OSBP: variants seen among roughly 807,000 people sequenced by gnomAD.
OSBP encodes oxysterol-binding protein 1.
A neutral mutation model predicts 96.6 loss-of-function variants in OSBP; 32 were observed. That is an observed-to-expected ratio of 0.33 (90% CI 0.25 to 0.45). The LOEUF is 0.45. OSBP is among the 20% of genes least tolerant of loss of function. The pLI, the probability that OSBP is intolerant of heterozygous loss-of-function variation, is 1.00. For missense variants in OSBP, 653 were observed against 1,029.7 expected (o/e 0.63, Z 5.01); for synonymous variants, 369 against 389.6 (o/e 0.95, Z 0.62).
chr11:59,593,313 ATTT>A (rs528247934), intron 9 of OSBP, among the ~76,000 whole-genome samples: 19 of 148,442 alleles, frequency 1.3e-4, no homozygotes, highest in Non-Finnish European at 2.4e-4. Context: ...AAGAGACAGA[ATTT>A]TTTTTTTTAA....
intron 7 of OSBP, among the ~76,000 whole-genome samples, chr11:59,595,787 C>T (rs923370216): frequency 1.3e-5 from 2 of 150,028 alleles, no homozygotes; most frequent in African/African-American, 4.9e-5. Context: ...AAAAAAAAAA[C>T]ACAAAAATTA....
rs113851305 is a variant in OSBP, at chr11:59,598,289, G to A, written c.1311+2207C>T. 5.2e-3 allele frequency among the ~76,000 whole-genome samples: 792 copies of A among 152,282 alleles called. 9 individuals carry two copies. Among genetic ancestry groups the A allele is most frequent in the African/African-American group, 0.017 (710 of 41,558 alleles). On this transcript the variant is annotated intron_variant, in intron 7 of 13. Transcript: ENST00000263847. Reference sequence around the variant, plus strand: ...GACGTAGCCCCTGATCACAAGGAACGCAGTCTATGAAGAGGCAGAAACCAC... The same window carrying A: ...GACGTAGCCCCTGATCACAAGGAACACAGTCTATGAAGAGGCAGAAACCAC...
chr11:59,612,193 G>C (rs956188463), intron 1 of OSBP, among the ~76,000 whole-genome samples: 3 of 152,196 alleles, frequency 2.0e-5, no homozygotes, highest in African/African-American at 7.2e-5. Context: ...CACATGAACT[G>C]CTCTTCCTTC....
rs777977015 is a variant in OSBP, at chr11:59,601,367, T to C, written c.1040A>G (p.Lys347Arg). ...ATCATCTTCATCGCTCATGTCCCCTTTGCCAGAGCAGCACTGATCTACAAG... is the reference window on the plus strand; with the variant it reads ...ATCATCTTCATCGCTCATGTCCCCTCTGCCAGAGCAGCACTGATCTACAAG... ...GSGKDQCCSG[K>R]GDMSDEDDEN... Residue 347 changes from lysine to arginine, a missense_variant, in exon 5 of 14, where the codon AAA becomes AGA. Transcript: ENST00000263847. 4.3e-5 allele frequency: 69 copies of C among 1,611,824 alleles called. 1 individual carries two copies. The Admixed American group carries it at 1.1e-3, about 25-fold the overall frequency.
At chr11:59,583,534 G>C (rs1326699754) in intron 9 of OSBP, among the ~76,000 whole-genome samples, 3 of 150,492 alleles carry the variant, frequency 2.0e-5, no homozygotes, top group Admixed American at 2.0e-4. Flanking sequence ...CACTTGCTGT[G>C]TACCAGGTGC....
chr11:59,610,015 G>C (rs1015178081), intron 2 of OSBP, among the ~76,000 whole-genome samples: 9 of 152,116 alleles, frequency 5.9e-5, no homozygotes, highest in African/African-American at 2.2e-4. Flanking sequence ...AAGAACAACT[G>C]TTACGCCTCT....
chr11:59,579,140 C>A (rs1346031384), intron 11 of OSBP, among the ~76,000 whole-genome samples: 1 of 152,048 alleles, frequency 6.6e-6, no homozygotes, highest in Non-Finnish European at 1.5e-5. Flanking sequence ...ATTTTCTTCT[C>A]TCAAGAAATT....
intron 1 of OSBP, among the ~76,000 whole-genome samples, chr11:59,613,383 A>G (rs1301882619): frequency 6.6e-6 from 1 of 152,254 alleles, no homozygotes; most frequent in Non-Finnish European, 1.5e-5. Context: ...AGCAACATGT[A>G]AGTTATTAGT....
At chr11:59,593,368 G>A (rs79961174) in intron 9 of OSBP, 14,844 of 469,450 alleles carry the variant, frequency 0.032, 677 homozygotes, top group Admixed American at 0.14. Context: ...TTAGAGATGC[G>A]TTAAATATAG....
At chr11:59,598,045 GC>G (rs1353738757) in intron 7 of OSBP, among the ~76,000 whole-genome samples, 1 of 152,136 alleles carries the variant, frequency 6.6e-6, no homozygotes, top group African/African-American at 2.4e-5. Context: ...TCCCCACGTT[GC>G]CCAGACTGGT....
intron 5 of OSBP, 116 bp downstream of exon 5, chr11:59,601,167 A>G (rs1384752062): frequency 3.1e-6 from 2 of 644,834 alleles, no homozygotes; most frequent in African/African-American, 1.9e-5. Context: ...ATTGACAATT[A>G]TAATACTCTC....
intron 10 of OSBP, among the ~76,000 whole-genome samples, chr11:59,581,013 T>C (rs535527210): frequency 2.0e-5 from 3 of 152,346 alleles, no homozygotes; most frequent in East Asian, 1.9e-4. Flanking sequence ...TTTATATTAG[T>C]GTATGTTGCT....
At chr11:59,608,375 G>A in intron 3 of OSBP, 109 bp downstream of exon 3, 2 of 1,304,500 alleles carry the variant, frequency 1.5e-6, no homozygotes, top group South Asian at 2.5e-5. Context: ...CAGTGAAGCA[G>A]GCCCTAATGT....
intron 9 of OSBP, among the ~76,000 whole-genome samples, chr11:59,586,178 G>GAAAAAAAAAAAAATAAAA: frequency 1.7e-5 from 1 of 60,404 alleles, no homozygotes. Context: ...AATAAATAAA[G>GAAAAAAAAAAAAATAAAA]AAAAAAAAAA....
rs112640652 is a variant in OSBP, at chr11:59,576,447, G to A, written c.*130C>T. Reference sequence around the variant, plus strand: ...GGTGTCTCCTTCTGGTGATTGATTTGGAAAAAATGATTGGTCAAGAGAGAC... The same window carrying A: ...GGTGTCTCCTTCTGGTGATTGATTTAGAAAAAATGATTGGTCAAGAGAGAC... On this transcript the variant is annotated 3_prime_UTR_variant, in exon 14 of 14. Coordinates refer to ENST00000263847, the MANE Select transcript of OSBP (RefSeq NM_002556.3). The A allele has an allele frequency of 0.013, 14,375 of 1,067,086 alleles. 169 individuals carry two copies. Among genetic ancestry groups the A allele is most frequent in the South Asian group, 0.034 (2,130 of 63,058 alleles). 66.1% of individuals were successfully genotyped at this position (1,067,086 alleles called of 1,614,324 possible).
intron 1 of OSBP, 47 bp downstream of exon 1, chr11:59,615,256 A>C (rs762658425): frequency 6.7e-7 from 1 of 1,483,582 alleles, no homozygotes; most frequent in Admixed American, 1.7e-5. Flanking sequence ...GACTGTTGGC[A>C]GATATGGGGG....
At chr11:59,601,192 A>T in intron 5 of OSBP, 91 bp downstream of exon 5, 1 of 758,398 alleles carries the variant, frequency 1.3e-6, no homozygotes, top group South Asian at 1.6e-5. Flanking sequence ...AAATGTTTTT[A>T]ACCTTTTGAT....
Position 59,615,549 on chromosome 11 carries a change from G to A in OSBP, c.116C>T (p.Ala39Val), listed in dbSNP as rs1038016073. ...TGACGCGGCCCCGGAGCCTGGCCCC[G>A]CATCTCCGCGGCCGCCGCCTCCTCC... is the stretch of plus-strand genomic sequence containing the variant. ...VVGGGGGRGD[A>V]GPGSGAASGT... The change falls in exon 1 of 14, where the codon GCG (alanine) becomes GTG (valine). Residue 39 changes from alanine to valine, a missense_variant. Physicochemically the swap from Ala to Val is moderately conservative, Grantham distance 64 (BLOSUM62 0). This residue lies in a region of OSBP where 151 missense variants were observed against 146.1 expected (regional missense o/e 1.03). Transcript: ENST00000263847. 1.5e-6 allele frequency: 2 copies of A among 1,349,312 alleles called. No individual in the cohort carries two copies. The highest frequency in any genetic ancestry group is 3.2e-5 in the East Asian group (1 of 31,156). The allele number at this position is 1,349,312 out of a possible 1,614,324, so 83.6% of individuals were successfully genotyped here. A position where few individuals can be genotyped will look rare whatever the true frequency, so the allele number is the denominator to read the frequency against.
At chr11:59,580,729 G>C (rs1255502097) in intron 10 of OSBP, among the ~76,000 whole-genome samples, 1 of 151,496 alleles carries the variant, frequency 6.6e-6, no homozygotes, top group African/African-American at 2.4e-5. Flanking sequence ...ATATTGCCCA[G>C]GCTAGTCTCA....
Sources: allele counts gnomAD v4.1 joint callset (sites outside exome capture counted in the v4.1 genomes callset), GRCh38; gene constraint gnomAD v4.1.1; regional missense constraint gnomAD v4.1.1; transcripts MANE v1.5; gene names NCBI Gene and HGNC (gene_info 2026-07-23, HGNC 2026-07-21).